The following SYT1 variants were observed in gnomAD, a reference collection of about 807,000 sequenced individuals.
The protein encoded by SYT1 is synaptotagmin 1.
In SYT1, 8 loss-of-function variants were observed where a neutral mutation model predicts 44.8. That is an observed-to-expected ratio of 0.18 (90% confidence interval 0.10 to 0.32). The LOEUF (loss-of-function observed/expected upper bound fraction) is 0.32, where lower values mean the gene tolerates loss of function less well. Among genes scored for constraint, SYT1 ranks in the 10% least tolerant of loss-of-function variants. The pLI is 1.00. For synonymous variants in SYT1, 154 were observed against 188.8 expected, an observed-to-expected ratio of 0.82 and a Z score of 1.51; for missense variants, 286 against 509.3, an observed-to-expected ratio of 0.56 and a Z score of 4.22.
At chr12:79,248,634 A>T (rs899528771) in intron 4 of SYT1, among the ~76,000 whole-genome samples, 13 of 152,314 alleles carry the variant, frequency 8.5e-5, no homozygotes, top group Admixed American at 2.0e-4. Context: ...GGAGAAGGCT[A>T]ACTTTACTGA....
intron 3 of SYT1, among the ~76,000 whole-genome samples, chr12:79,090,005 G>T (rs983537669): frequency 6.6e-6 from 1 of 152,002 alleles, no homozygotes; most frequent in Admixed American, 6.6e-5. Flanking sequence ...AATAATCTCT[G>T]TAGCTTGTTT....
At chr12:79,213,840 T>C (rs2138546745) in intron 3 of SYT1, among the ~76,000 whole-genome samples, 1 of 152,296 alleles carries the variant, frequency 6.6e-6, no homozygotes, top group South Asian at 2.1e-4. Context: ...CAGAATTGCT[T>C]GAAGCCAAGA....
chr12:79,266,089 A>G (rs953497590), intron 4 of SYT1, among the ~76,000 whole-genome samples: 1 of 152,208 alleles, frequency 6.6e-6, no homozygotes, highest in Non-Finnish European at 1.5e-5. Flanking sequence ...TAGGTAAACA[A>G]TATTTGAAGA....
At chr12:78,920,844 G>T (rs1157968579) in intron 1 of SYT1, among the ~76,000 whole-genome samples, 1 of 151,838 alleles carries the variant, frequency 6.6e-6, no homozygotes, top group Non-Finnish European at 1.5e-5. Context: ...TTAGTGATTT[G>T]CAAATCAAAG....
At chr12:79,363,057 A>T (rs1883379871) in intron 9 of SYT1, among the ~76,000 whole-genome samples, 1 of 152,132 alleles carries the variant, frequency 6.6e-6, no homozygotes, top group African/African-American at 2.4e-5. Context: ...TATCTCACTA[A>T]TCCAACCCAG....
chr12:78,971,842 T>C (rs1036971317), intron 1 of SYT1, among the ~76,000 whole-genome samples: 1 of 152,134 alleles, frequency 6.6e-6, no homozygotes, highest in Non-Finnish European at 1.5e-5. Flanking sequence ...TAATACGCTG[T>C]GAGACTTTGG....
intron 2 of SYT1, among the ~76,000 whole-genome samples, chr12:78,996,360 C>G (rs962006417): frequency 6.6e-6 from 1 of 152,128 alleles, no homozygotes; most frequent in Non-Finnish European, 1.5e-5. Context: ...GGGTTGGTTT[C>G]AGGATTTTAT....
intron 3 of SYT1, among the ~76,000 whole-genome samples, chr12:79,149,300 G>C (rs574070421): frequency 6.6e-6 from 1 of 152,110 alleles, no homozygotes; most frequent in South Asian, 2.1e-4. Flanking sequence ...ATTGCTATTT[G>C]AAAATATTAC....
At chr12:79,348,564 A>C (rs1882707097) in intron 8 of SYT1, among the ~76,000 whole-genome samples, 1 of 152,372 alleles carries the variant, frequency 6.6e-6, no homozygotes, top group African/African-American at 2.4e-5. Flanking sequence ...AAACTTCTTG[A>C]AAGTCAGGAA....
chr12:78,937,086 C>T (rs1442434404), intron 1 of SYT1, among the ~76,000 whole-genome samples: 1 of 152,118 alleles, frequency 6.6e-6, no homozygotes, highest in Non-Finnish European at 1.5e-5. Context: ...TTTGCAATTA[C>T]AAGTTTTCTA....
chr12:79,117,662 C>CATATATATAT (rs57706449), intron 3 of SYT1, among the ~76,000 whole-genome samples: 29 of 39,294 alleles, frequency 7.4e-4, no homozygotes, highest in East Asian at 3.2e-3. Context: ...TGTATTACAT[C>CATATATATAT]ATATATATAT....
At chr12:79,171,286 A>G (rs991018976) in intron 3 of SYT1, among the ~76,000 whole-genome samples, 22 of 152,052 alleles carry the variant, frequency 1.4e-4, no homozygotes, top group Admixed American at 5.9e-4. Flanking sequence ...TTTGGATAGT[A>G]TAGCCATTTT....
At chr12:78,946,331 T>G (rs1878652587) in intron 1 of SYT1, among the ~76,000 whole-genome samples, 2 of 152,070 alleles carry the variant, frequency 1.3e-5, no homozygotes, top group Non-Finnish European at 2.9e-5. Context: ...TTTGAGAAGC[T>G]TATGTTCTAG....
intron 3 of SYT1, among the ~76,000 whole-genome samples, chr12:79,206,263 A>C (rs1874119766): frequency 6.6e-6 from 1 of 152,204 alleles, no homozygotes; most frequent in Admixed American, 6.5e-5. Context: ...ATATTGCTTT[A>C]CTGTTGCCTC....
chr12:79,002,199 A>T (rs369817106), intron 2 of SYT1, among the ~76,000 whole-genome samples: 1 of 152,262 alleles, frequency 6.6e-6, no homozygotes, highest in East Asian at 1.9e-4. Flanking sequence ...TTGCTGTTTA[A>T]AAAAATTTGC....
intron 1 of SYT1, among the ~76,000 whole-genome samples, chr12:78,883,694 A>G (rs1032102455): frequency 6.6e-6 from 1 of 151,718 alleles, no homozygotes; most frequent in African/African-American, 2.4e-5. Context: ...AATGTTACCT[A>G]TCTCTGAAAC....
At chr12:79,208,164 C>T in intron 3 of SYT1, among the ~76,000 whole-genome samples, 1 of 152,276 alleles carries the variant, frequency 6.6e-6, no homozygotes, top group Middle Eastern at 3.4e-3. Context: ...AAATCAGAGT[C>T]ATGTTCCCAA....
chr12:79,012,038 A>G (rs955536467), intron 2 of SYT1, among the ~76,000 whole-genome samples: 5 of 151,380 alleles, frequency 3.3e-5, no homozygotes, highest in South Asian at 2.1e-4. Flanking sequence ...AGGCTGAGGC[A>G]GGAGAATTGC....
At chr12:79,226,683 C>G (rs1051649733) in intron 4 of SYT1, among the ~76,000 whole-genome samples, 1 of 151,982 alleles carries the variant, frequency 6.6e-6, no homozygotes, top group African/African-American at 2.4e-5. Flanking sequence ...AAAAGCCATG[C>G]CATTTATTTA....
Sources: gnomAD v4.1 joint callset for allele counts (sites outside exome capture counted in the v4.1 genomes callset) on GRCh38, gnomAD v4.1.1 for gene constraint, MANE v1.5 for transcripts, NCBI Gene and HGNC (gene_info 2026-07-23, HGNC 2026-07-21) for gene names.